Variants in ATG2B observed in about 807,000 individuals in gnomAD.
The protein encoded by ATG2B is autophagy-related protein 2 homolog B.
Under a neutral mutation model 241.3 loss-of-function variants are expected in ATG2B, and 121 were observed. That is an observed-to-expected ratio of 0.50 (90% CI 0.43 to 0.58). The LOEUF is 0.58. ATG2B is among the 20% of genes least tolerant of loss of function. The pLI is 0.00. For missense variants in ATG2B, 2,306 were observed against 2,491.6 expected, an observed-to-expected ratio of 0.93 and a Z score of 1.59; for synonymous variants, 858 against 876.6, an observed-to-expected ratio of 0.98 and a Z score of 0.37.
At chr14:96,352,756 TA>T (rs1888363617) in intron 1 of ATG2B, among the ~76,000 whole-genome samples, 1 of 152,130 alleles carries the variant, frequency 6.6e-6, no homozygotes, top group Admixed American at 6.5e-5. Context: ...TTTTAAAGTT[TA>T]TAAAGTTACT....
chr14:96,311,789 AT>A (rs1317908339), intron 26 of ATG2B, among the ~76,000 whole-genome samples, 171 bp from the exon 27 acceptor site: 6 of 152,142 alleles, frequency 3.9e-5, no homozygotes, highest in Non-Finnish European at 2.9e-5. Flanking sequence ...AATTCACTTT[AT>A]TTTTTGTTAG....
In ATG2B at chr14:96,311,992, G is replaced by T. The variant is rs1285653900; in HGVS notation, c.3913+97C>A. ...TTAAGGATCTTTAATAAGATTCTTA[G>T]TTCACTAGCATTATCCCAGAGTTAA... On this transcript the variant is annotated intron_variant, in intron 26 of 41. Transcript: ENST00000359933. The T allele has an allele frequency of 1.5e-5, 13 of 871,162 alleles. 1 individual carries two copies. The highest frequency in any genetic ancestry group is 8.9e-5 in the South Asian group (6 of 67,422). The allele number at this position is 871,162 out of a possible 1,614,324, so 54.0% of individuals were successfully genotyped here.
At chr14:96,347,418 A>G (rs1479776529) in intron 1 of ATG2B, 77 bp from the exon 2 acceptor site, 28 of 1,165,186 alleles carry the variant, frequency 2.4e-5, no homozygotes, top group Non-Finnish European at 3.2e-5. Context: ...AAGGTGTCAA[A>G]TATGCCCACA....
In ATG2B at chr14:96,317,215, T is replaced by A; in HGVS notation, c.3140A>T (p.Asn1047Ile). Residue 1047 changes from asparagine (N) to isoleucine (I), a missense_variant, in exon 20 of 42, where the codon AAC (asparagine) becomes ATC (isoleucine). By Grantham distance (149) the Asn-to-Ile change is moderately radical. Transcript: ENST00000359933. The stretch of plus-strand genomic sequence containing the variant: ...AAGAACTGAGAGAAAACTCTGAGAG[T>A]TCTTGTTCTGAGAGTCTAATTTTTT... ...RKKKLDSQNKNSQSFLSVLLN... is the reference protein window; with the variant it reads ...RKKKLDSQNKISQSFLSVLLN... 6.2e-7 allele frequency: 1 copy of A among 1,613,608 alleles called. No individual in the cohort carries two copies. Among genetic ancestry groups the A allele is most frequent in the Non-Finnish European group, 8.5e-7 (1 of 1,179,610 alleles).
chr14:96,335,043 C>T (rs10873470), intron 6 of ATG2B, among the ~76,000 whole-genome samples: 142,911 of 152,268 alleles, frequency 0.94, 67,636 homozygotes, highest in Non-Finnish European at 0.99. Context: ...ACTACAGAAA[C>T]GTGGACAGAA....
chr14:96,334,664 C>T (rs568766631), intron 6 of ATG2B, among the ~76,000 whole-genome samples, 163 bp from the exon 7 acceptor site: 1 of 152,148 alleles, frequency 6.6e-6, no homozygotes. Flanking sequence ...AATGAAAAGA[C>T]TTAAAGGCCA....
chr14:96,286,166 A>G (rs1007523597), intron 41 of ATG2B, among the ~76,000 whole-genome samples, 181 bp from the exon 42 acceptor site: 1 of 152,226 alleles, frequency 6.6e-6, no homozygotes, highest in African/African-American at 2.4e-5. Flanking sequence ...CAGAATTCTA[A>G]CTATAAGGGA....
Position 96,317,273 on chromosome 14 carries a change from T to C in ATG2B, c.3082A>G (p.Thr1028Ala), listed in dbSNP as rs778262466. Residue 1028 changes from threonine (T) to alanine (A), a missense_variant, in exon 20 of 42, where the codon ACT becomes GCT. Coordinates refer to ENST00000359933, the MANE Select transcript of ATG2B (RefSeq NM_018036.7). ...CGAGAACGATAGTTGGGATCAACAG[T>C]GGAAAAATACTGCAAAGTCTCCTCC... is the stretch of plus-strand genomic sequence containing the variant. ...SEEETLQYFSTVDPNYRSRRK... is the reference protein window; with the variant it reads ...SEEETLQYFSAVDPNYRSRRK... 1.6e-5 allele frequency: 26 copies of C among 1,613,710 alleles called. No homozygotes were observed. In the Admixed American group the frequency reaches 4.2e-4, roughly 26 times the overall value.
intron 1 of ATG2B, among the ~76,000 whole-genome samples, chr14:96,353,642 T>TTATATA (rs142823425): frequency 1.7e-4 from 22 of 126,750 alleles, no homozygotes; most frequent in Non-Finnish European, 3.0e-4. Context: ...ATTTCATATT[T>TTATATA]TATATATATA....
In ATG2B at chr14:96,322,725, T is replaced by G. The variant is rs1313852560; in HGVS notation, c.2551A>C (p.Lys851Gln). The change falls in exon 17 of 42, where the codon AAA (lysine) becomes CAA (glutamine). Residue 851 changes from lysine to glutamine, a missense_variant. Lys to Gln is a moderately conservative substitution (Grantham distance 53). Transcript: ENST00000359933. ...DDFDWPRIVL[K>Q]INPPAMHSIL... ...GAATGCATGGCTGGTGGATTTATTTTCAGTACAATTCTGATAGCAAAGACA... is the reference window on the plus strand; with the variant it reads ...GAATGCATGGCTGGTGGATTTATTTGCAGTACAATTCTGATAGCAAAGACA... The G allele has an allele frequency of 6.2e-7, 1 of 1,611,112 alleles. No homozygotes were observed. Among genetic ancestry groups the G allele is most frequent in the East Asian group, 2.2e-5 (1 of 44,832 alleles).
intron 1 of ATG2B, among the ~76,000 whole-genome samples, chr14:96,359,067 A>T (rs558897449): frequency 3.3e-4 from 51 of 152,302 alleles, no homozygotes; most frequent in Non-Finnish European, 6.3e-4. Context: ...AACATTCTTA[A>T]ACTGAAGTTA....
At position 96,362,870 on chromosome 14, in the gene ATG2B, C is replaced by G. The variant is rs752967956; in HGVS notation, c.107G>C (p.Ser36Thr). 1.2e-6 allele frequency: 2 copies of G among 1,613,280 alleles called. No individual in the cohort carries two copies. The highest frequency in any genetic ancestry group is 1.7e-6 in the Non-Finnish European group (2 of 1,179,986). Residue 36 changes from serine (S) to threonine (T), a missense_variant, in exon 1 of 42, where the codon AGC becomes ACC. By Grantham distance (58) the Ser-to-Thr change is moderately conservative. This residue lies in a region of ATG2B where 1,927 missense variants were observed against 2,011.2 expected (regional missense o/e 0.96). Transcript: ENST00000359933. ...LQEKLSLEQL[S>T]LDLYQGTGSL... The stretch of plus-strand genomic sequence containing the variant: ...CCCGGTGCCTTGGTACAGGTCCAGG[C>G]TGAGCTGCTCCAGGCTCAGCTTCTC...
chr14:96,316,660 T>C lies in ATG2B; in HGVS notation c.3234A>G (p.Glu1078=). Residue 1078 remains glutamate, a synonymous_variant, in exon 21 of 42, where the codon GAA becomes GAG. Transcript: ENST00000359933. Reference sequence around the variant, plus strand: ...CTAACCAGAATTCACCATGCTTGTTTTCCAACAGATCTCCATTATCTTGCT... The same window carrying C: ...CTAACCAGAATTCACCATGCTTGTTCTCCAACAGATCTCCATTATCTTGCT... ...DVKQDNGDLL[E]NKHGEFWLEF... is the part of the protein sequence containing the mutation. 1 of 1,610,088 alleles carries C rather than the reference T, an allele frequency of 6.2e-7. No individual in the cohort carries two copies. Among genetic ancestry groups the C allele is most frequent in the Non-Finnish European group, 8.5e-7 (1 of 1,178,966 alleles).
Position 96,316,643 on chromosome 14 carries a change from A to C in ATG2B, c.3251T>G (p.Phe1084Cys), listed in dbSNP as rs1887321003. 6.2e-7 allele frequency: 1 copy of C among 1,611,326 alleles called. No homozygotes were observed. The highest frequency in any genetic ancestry group is 1.3e-5 in the African/African-American group (1 of 74,802). ...GDLLENKHGE[F>C]WLEFNSGSLF... Reference sequence around the variant, plus strand: ...TGAACCACTATTGAACTCTAACCAGAATTCACCATGCTTGTTTTCCAACAG... The same window carrying C: ...TGAACCACTATTGAACTCTAACCAGCATTCACCATGCTTGTTTTCCAACAG... Residue 1084 changes from phenylalanine (F) to cysteine (C), a missense_variant, in exon 21 of 42, where the codon TTC becomes TGC. Physicochemically the swap from Phe to Cys is radical, Grantham distance 205. This residue lies in a region of ATG2B where 1,927 missense variants were observed against 2,011.2 expected (regional missense o/e 0.96). Transcript: ENST00000359933.
At position 96,322,155 on chromosome 14, in the gene ATG2B, C is replaced by A. The variant is rs1354011523; in HGVS notation, c.2836G>T (p.Val946Leu). Residue 946 changes from valine to leucine, a missense_variant, in exon 18 of 42, where the codon GTA becomes TTA. By Grantham distance (32) the Val-to-Leu change is conservative. This residue lies in a region of ATG2B where 1,927 missense variants were observed against 2,011.2 expected (regional missense o/e 0.96). Transcript: ENST00000359933. ...TAAAAGCTCTTATTAGGTAGTGTTA[C>A]ATAAATATTTGGTAACGTAAGTTCC... is the stretch of plus-strand genomic sequence containing the variant. ...VLELTLPNIY[V>L]TLPNKSFYEK... 1.3e-6 allele frequency: 2 copies of A among 1,568,936 alleles called. No individual in the cohort carries two copies. The highest frequency in any genetic ancestry group is 4.1e-5 in the Admixed American group (2 of 48,534).
rs1397996393 is a variant in ATG2B, at chr14:96,302,998, G to A, written c.5037+63C>T. 9 of 1,266,852 alleles carry A rather than the reference G, an allele frequency of 7.1e-6. No individual in the cohort carries two copies. In the African/African-American group the frequency reaches 7.6e-5, roughly 11 times the overall value. The allele number at this position is 1,266,852 out of a possible 1,614,324, so 78.5% of individuals were successfully genotyped here. A position where few individuals can be genotyped will look rare whatever the true frequency, so the allele number is the denominator to read the frequency against. On this transcript the variant is annotated intron_variant, in intron 33 of 41. Transcript: ENST00000359933. ...TTTTCCCTACTTTAACTCTCCTGAA[G>A]TTAGATATAATAAAAACACGTTTCC...
Position 96,328,545 on chromosome 14 carries a change from A to G in ATG2B, c.1975-10T>C. On this transcript the variant is annotated splice_polypyrimidine_tract_variant and intron_variant, in intron 13 of 41. Transcript: ENST00000359933. ...GTCTTGCTTGATTACCCTTTTAAAA[A>G]AAAAAAAGAAAAGGCATTAATACAA... 1 of 1,581,712 alleles carries G rather than the reference A, an allele frequency of 6.3e-7. No individual in the cohort carries two copies. The highest frequency in any genetic ancestry group is 1.4e-5 in the African/African-American group (1 of 72,776).
chr14:96,290,786 C>G lies in ATG2B; in HGVS notation c.5701+28G>C. On this transcript the variant is annotated intron_variant, in intron 39 of 41. Transcript: ENST00000359933. The surrounding 1 kb of genome is among the most constrained non-coding windows in gnomAD (Gnocchi z 4.4). Reference sequence around the variant, plus strand: ...TTACTCATCTGAAAAAATAACTTATCTTTTGATTAAAAAAGAAGAAAACTC... The same window carrying G: ...TTACTCATCTGAAAAAATAACTTATGTTTTGATTAAAAAAGAAGAAAACTC... 6.3e-7 allele frequency: 1 copy of G among 1,591,238 alleles called. No individual in the cohort carries two copies. The highest frequency in any genetic ancestry group is 1.9e-5 in the Admixed American group (1 of 53,778).
At chr14:96,339,921 T>C (rs1474987680) in intron 6 of ATG2B, among the ~76,000 whole-genome samples, 1 of 150,944 alleles carries the variant, frequency 6.6e-6, no homozygotes, top group Non-Finnish European at 1.5e-5. Context: ...AAACTAAAAA[T>C]AGAACTTCCA....
Sources: gnomAD v4.1 joint callset for allele counts (sites outside exome capture counted in the v4.1 genomes callset) on GRCh38, gnomAD v4.1.1 for gene constraint, gnomAD v4.1.1 regional missense constraint, Gnocchi (gnomAD v3.1) non-coding constraint, MANE v1.5 for transcripts, NCBI Gene and HGNC (gene_info 2026-07-23, HGNC 2026-07-21) for gene names.